Variants in NFIA observed in about 807,000 individuals in gnomAD.
NFIA encodes nuclear factor 1 A-type.
In NFIA, 8 loss-of-function variants were observed where a neutral mutation model predicts 62.8. The observed-to-expected ratio is 0.13, with a 90% CI of 0.07 to 0.23. NFIA has a LOEUF of 0.23. NFIA is among the 10% of genes least tolerant of loss of function. The pLI is 1.00. For synonymous variants in NFIA, 235 were observed against 238.1 expected (o/e 0.99, Z 0.12); for missense variants, 410 against 642.1 (o/e 0.64, Z 3.91).
chr1:61,392,319 A>G (rs1381184734), intron 7 of NFIA, among the ~76,000 whole-genome samples: 1 of 152,212 alleles, frequency 6.6e-6, no homozygotes, highest in Non-Finnish European at 1.5e-5. Context: ...GCCAAAGGAA[A>G]AAAAGAGTGC....
intron 2 of NFIA, among the ~76,000 whole-genome samples, chr1:61,209,141 G>T (rs762382529): frequency 1.4e-4 from 22 of 152,108 alleles, no homozygotes; most frequent in Admixed American, 5.2e-4. Flanking sequence ...TCCCCTGTCA[G>T]ATATTGGTCT....
chr1:61,188,957 G>T (rs1263349765), intron 2 of NFIA, among the ~76,000 whole-genome samples: 1 of 152,110 alleles, frequency 6.6e-6, no homozygotes, highest in African/African-American at 2.4e-5. Context: ...CCATTTAATA[G>T]GCTTACTGTG....
At chr1:61,386,829 A>G (rs955574685) in intron 7 of NFIA, among the ~76,000 whole-genome samples, 17 of 152,220 alleles carry the variant, frequency 1.1e-4, no homozygotes, top group Admixed American at 4.6e-4. Context: ...TGGGTGGTCT[A>G]TAAACAACAG....
At chr1:61,428,878 T>A (rs1220853372) in intron 10 of NFIA, among the ~76,000 whole-genome samples, 1 of 152,166 alleles carries the variant, frequency 6.6e-6, no homozygotes, top group Non-Finnish European at 1.5e-5. Context: ...GGAAAAGTTA[T>A]CTGGGAAAAC....
chr1:61,361,992 C>A (rs1298848876), intron 6 of NFIA, among the ~76,000 whole-genome samples: 1 of 151,952 alleles, frequency 6.6e-6, no homozygotes, highest in Non-Finnish European at 1.5e-5. Flanking sequence ...ACTCAGCAAG[C>A]GCAGAAAGTC....
intron 2 of NFIA, among the ~76,000 whole-genome samples, chr1:61,217,710 A>AG (rs1250036437): frequency 6.6e-6 from 1 of 152,186 alleles, no homozygotes; most frequent in Non-Finnish European, 1.5e-5. Context: ...TTTACTTTGC[A>AG]GGGGAAAGGC....
chr1:61,458,221 AAG>A lies in NFIA; in HGVS notation c.*2903_*2904del, dbSNP rs1234123248. 8 of 151,266 alleles carry A rather than the reference AAG, an allele frequency of 5.3e-5. No homozygotes were observed. Among genetic ancestry groups the A allele is most frequent in the African/African-American group, 1.7e-4 (7 of 41,330 alleles). The allele number at this position is 151,266 out of a possible 1,614,324, so 9.4% of individuals were successfully genotyped here. On this transcript the variant is annotated 3_prime_UTR_variant, in exon 11 of 11. Transcript: ENST00000403491. ...AAAAAAGGAAAAAAAGAAAAAAAAA[AAG>A]AAAAAATAGCAGCTTTCAGTGCTTC...
Position 61,424,348 on chromosome 1 carries a change from C to G in NFIA, c.1421-2117C>G, listed in dbSNP as rs537999937. Among the ~76,000 whole-genome samples, 3 of 152,032 alleles carry G rather than the reference C, an allele frequency of 2.0e-5. No homozygotes were observed. In the South Asian group the frequency reaches 6.2e-4, roughly 32 times the overall value. ...ATCTTCACAAAAAATGACACCCCCC[C>G]CTCAACCCCCAGAATGGCTTCTGTG... On this transcript the variant is annotated intron_variant, in intron 9 of 10. Transcript: ENST00000403491.
At chr1:61,405,025 G>C (rs368124489) in intron 8 of NFIA, among the ~76,000 whole-genome samples, 1 of 152,134 alleles carries the variant, frequency 6.6e-6, no homozygotes, top group South Asian at 2.1e-4. Flanking sequence ...AATAAACAAC[G>C]ACCAGCATAA....
intron 9 of NFIA, among the ~76,000 whole-genome samples, chr1:61,423,136 T>G (rs1460395390): frequency 6.6e-6 from 1 of 151,912 alleles, no homozygotes; most frequent in Non-Finnish European, 1.5e-5. Context: ...GAAAATATGG[T>G]CAGATTAGTG....
chr1:61,267,330 G>A (rs1422669574), intron 2 of NFIA, among the ~76,000 whole-genome samples: 4 of 151,950 alleles, frequency 2.6e-5, no homozygotes, highest in African/African-American at 9.7e-5. Context: ...CCAACATGGT[G>A]AAACCCTGTC....
intron 2 of NFIA, among the ~76,000 whole-genome samples, chr1:61,195,967 T>G (rs1038426385): frequency 1.3e-5 from 2 of 152,204 alleles, no homozygotes; most frequent in Non-Finnish European, 2.9e-5. Flanking sequence ...TTGATCTTTT[T>G]AGTCAGACTT....
intron 10 of NFIA, among the ~76,000 whole-genome samples, chr1:61,444,823 C>T (rs889010100): frequency 1.3e-5 from 2 of 152,088 alleles, no homozygotes; most frequent in Admixed American, 6.6e-5. Context: ...ATCCATATGG[C>T]GATTTAACAA....
Position 61,129,219 on chromosome 1 carries a change from G to T in NFIA, c.559+40539G>T, listed in dbSNP as rs891847411. On this transcript the variant is annotated intron_variant, in intron 2 of 10. Coordinates refer to ENST00000403491, the MANE Select transcript of NFIA (RefSeq NM_001134673.4). ...TTACAGGTGTGAGCCACCGCGCCCGGCCTACTTATGTGTTTTAGAAAAATC... is the reference window on the plus strand; with the variant it reads ...TTACAGGTGTGAGCCACCGCGCCCGTCCTACTTATGTGTTTTAGAAAAATC... Among the ~76,000 whole-genome samples the T allele has an allele frequency of 2.6e-5, 4 of 151,834 alleles. No individual in the cohort carries two copies. In the East Asian group the frequency reaches 7.7e-4, roughly 29 times the overall value.
At chr1:61,326,715 G>A (rs1660958702) in intron 3 of NFIA, among the ~76,000 whole-genome samples, 1 of 152,220 alleles carries the variant, frequency 6.6e-6, no homozygotes, top group South Asian at 2.1e-4. Context: ...GAAAAAAAGT[G>A]TTCCCCAGTG....
In NFIA at chr1:61,136,784, C is replaced by T. The variant is rs1298962551; in HGVS notation, c.559+48104C>T. Among the ~76,000 whole-genome samples, 6 of 152,138 alleles carry T rather than the reference C, an allele frequency of 3.9e-5. No homozygotes were observed. The East Asian group carries it at 1.2e-3, about 29-fold the overall frequency. The stretch of plus-strand genomic sequence containing the variant: ...TGGGTTCAAATTCTAGCAACTTCCC[C>T]TACTAGTTTTTTTGTTTGGGGGGGT... On this transcript the variant is annotated intron_variant, in intron 2 of 10. Coordinates refer to ENST00000403491, the MANE Select transcript of NFIA (RefSeq NM_001134673.4).
intron 2 of NFIA, among the ~76,000 whole-genome samples, chr1:61,239,386 A>G (rs1264539373): frequency 6.6e-6 from 1 of 152,144 alleles, no homozygotes; most frequent in Non-Finnish European, 1.5e-5. Flanking sequence ...GTTTATTTTT[A>G]TTTTGAGTCT....
intron 4 of NFIA, among the ~76,000 whole-genome samples, chr1:61,349,606 C>A (rs1662438565): frequency 6.6e-6 from 1 of 152,072 alleles, no homozygotes; most frequent in Non-Finnish European, 1.5e-5. Flanking sequence ...TGGGTTCTCA[C>A]TCCATTGCCC....
upstream of NFIA, among the ~76,000 whole-genome samples, chr1:61,080,802 CG>C (rs1328786882): frequency 6.6e-6 from 1 of 152,098 alleles, no homozygotes; most frequent in Non-Finnish European, 1.5e-5. Flanking sequence ...CTTGAGCATT[CG>C]GGAATTATTT....
Sources: allele counts gnomAD v4.1 joint callset (sites outside exome capture counted in the v4.1 genomes callset), GRCh38; gene constraint gnomAD v4.1.1; transcripts MANE v1.5; gene names NCBI Gene and HGNC (gene_info 2026-07-23, HGNC 2026-07-21).